Variants in DGKB observed in about 807,000 individuals in gnomAD.
The protein encoded by DGKB is diacylglycerol kinase beta.
In DGKB, 67 loss-of-function variants were observed where a neutral mutation model predicts 114.3. The observed-to-expected ratio is 0.59, with a 90% confidence interval of 0.48 to 0.72. The LOEUF (loss-of-function observed/expected upper bound fraction) is 0.72, where lower values mean the gene tolerates loss of function less well. Among genes scored for constraint, DGKB ranks in the 30% least tolerant of loss-of-function variants. DGKB has a pLI of 0.00. For missense variants in DGKB, 907 were observed against 975.2 expected (o/e 0.93, Z 0.93); for synonymous variants, 398 against 323.1 (o/e 1.23, Z -2.49).
rs150853045 is a variant in DGKB at position 14,745,715 on chromosome 7, A to T, written c.168+8213T>A. On this transcript the variant is annotated intron_variant, in intron 4 of 25. Coordinates refer to ENST00000402815, the MANE Select transcript of DGKB (RefSeq NM_001350709.2). ...GTGGTGGCCTGGTATTCAATTTGTG[A>T]GGTGAAAACCTGTGTGCAGGACCCC... 1.7e-3 allele frequency among the ~76,000 whole-genome samples: 265 copies of T among 152,250 alleles called. 1 individual carries two copies. Among genetic ancestry groups the T allele is most frequent in the African/African-American group, 6.3e-3 (263 of 41,544 alleles).
At chr7:14,689,996 T>C (rs533801733) in intron 9 of DGKB, among the ~76,000 whole-genome samples, 11 of 152,260 alleles carry the variant, frequency 7.2e-5, no homozygotes, top group African/African-American at 2.6e-4. Context: ...GAGACCAAAG[T>C]ATAAACCATC....
intron 20 of DGKB, among the ~76,000 whole-genome samples, chr7:14,505,804 C>T (rs939016694): frequency 2.0e-5 from 3 of 152,158 alleles, no homozygotes; most frequent in Admixed American, 6.5e-5. Flanking sequence ...TTACCATGTC[C>T]TCATGTGTAA....
At chr7:14,304,773 A>T (rs1444996242) in intron 23 of DGKB, among the ~76,000 whole-genome samples, 1 of 152,152 alleles carries the variant, frequency 6.6e-6, no homozygotes, top group Non-Finnish European at 1.5e-5. Context: ...TCAGTGAAGC[A>T]AAAATTTGTT....
chr7:14,498,200 T>A (rs544619540), intron 20 of DGKB, among the ~76,000 whole-genome samples: 1 of 151,838 alleles, frequency 6.6e-6, no homozygotes, highest in African/African-American at 2.4e-5. Flanking sequence ...TGAAGCAAAT[T>A]TGCCACCTTA....
chr7:14,546,107 A>G (rs1794242093), intron 20 of DGKB, among the ~76,000 whole-genome samples: 1 of 152,242 alleles, frequency 6.6e-6, no homozygotes, highest in South Asian at 2.1e-4. Flanking sequence ...TTTCAGTTAC[A>G]TTGCAAACAT....
At chr7:14,178,778 A>T (rs1223303300) in intron 23 of DGKB, among the ~76,000 whole-genome samples, 1 of 152,154 alleles carries the variant, frequency 6.6e-6, no homozygotes, top group Non-Finnish European at 1.5e-5. Flanking sequence ...TTGGTAGTAT[A>T]CTAGATAATT....
intron 1 of DGKB, among the ~76,000 whole-genome samples, chr7:14,947,814 A>G (rs1455698632): frequency 6.6e-6 from 1 of 151,748 alleles, no homozygotes; most frequent in Non-Finnish European, 1.5e-5. Flanking sequence ...ATTCCAACAT[A>G]TCCGTTATCA....
intron 23 of DGKB, among the ~76,000 whole-genome samples, chr7:14,310,301 C>A (rs973302622): frequency 6.6e-6 from 1 of 152,084 alleles, no homozygotes; most frequent in Non-Finnish European, 1.5e-5. Flanking sequence ...GATCACATTA[C>A]AGAACAGGGA....
rs58996974 is a variant in DGKB at position 14,531,971 on chromosome 7, CA to C, written c.1770+42240del. ...AGTGAGATAATTAGATACCAATATG[CA>C]AAAAAAAAATGAAGTTAGGCCTTCC... is the stretch of plus-strand genomic sequence containing the variant. On this transcript the variant is annotated intron_variant, in intron 20 of 25. Coordinates refer to ENST00000402815, the MANE Select transcript of DGKB (RefSeq NM_001350709.2). Among the ~76,000 whole-genome samples the C allele has an allele frequency of 7.1e-3, 1,020 of 144,570 alleles. 3 individuals are homozygous for C. Among genetic ancestry groups the C allele is most frequent in the African/African-American group, 0.019 (770 of 39,742 alleles). The allele number at this position is 144,570 out of a possible 152,430, so 94.8% of individuals were successfully genotyped here.
intron 23 of DGKB, among the ~76,000 whole-genome samples, chr7:14,247,396 T>C (rs1308517465): frequency 6.6e-6 from 1 of 152,136 alleles, no homozygotes; most frequent in Non-Finnish European, 1.5e-5. Flanking sequence ...TCATAGGCAG[T>C]TCTGTTTTTA....
intron 23 of DGKB, among the ~76,000 whole-genome samples, chr7:14,303,387 C>G (rs1803896865): frequency 6.6e-6 from 1 of 152,072 alleles, no homozygotes; most frequent in Non-Finnish European, 1.5e-5. Flanking sequence ...CCATATTCAC[C>G]TTTCCAGAGT....
chr7:14,495,597 TCTA>T (rs1366894672), intron 20 of DGKB, among the ~76,000 whole-genome samples: 2 of 151,840 alleles, frequency 1.3e-5, no homozygotes, highest in Non-Finnish European at 2.9e-5. Context: ...CTTCATTTAT[TCTA>T]CTATCTGGTA....
intron 15 of DGKB, among the ~76,000 whole-genome samples, chr7:14,615,522 A>G (rs1806351660): frequency 6.6e-6 from 1 of 151,912 alleles, no homozygotes. Context: ...GAATTTCAAA[A>G]TAAAATACAA....
At chr7:14,943,903 G>T (rs1325482457) in intron 1 of DGKB, among the ~76,000 whole-genome samples, 1 of 151,468 alleles carries the variant, frequency 6.6e-6, no homozygotes, top group Non-Finnish European at 1.5e-5. Context: ...TTCTTTTAAG[G>T]TTTCATCTGT....
intron 17 of DGKB, among the ~76,000 whole-genome samples, chr7:14,597,821 T>C (rs1283781335): frequency 6.6e-6 from 1 of 152,126 alleles, no homozygotes; most frequent in East Asian, 1.9e-4. Flanking sequence ...AACTGAATAA[T>C]TTACATGTGT....
At chr7:14,431,693 A>G (rs1335360864) in intron 21 of DGKB, among the ~76,000 whole-genome samples, 1 of 152,166 alleles carries the variant, frequency 6.6e-6, no homozygotes, top group Non-Finnish European at 1.5e-5. Context: ...TTTTCTGACA[A>G]TATTTTAACT....
chr7:14,906,233 A>G (rs922314583), upstream of DGKB, among the ~76,000 whole-genome samples: 2 of 151,946 alleles, frequency 1.3e-5, no homozygotes, highest in Admixed American at 1.3e-4. Context: ...AAACAAAAAC[A>G]AAAACAGATT....
At chr7:14,270,262 G>A (rs1444804084) in intron 23 of DGKB, among the ~76,000 whole-genome samples, 1 of 152,154 alleles carries the variant, frequency 6.6e-6, no homozygotes, top group Admixed American at 6.5e-5. Context: ...GTGCACATAT[G>A]CTGCGTTCTC....
At chr7:14,269,331 G>A (rs1797954921) in intron 23 of DGKB, 1 of 152,132 alleles carries the variant, frequency 6.6e-6, no homozygotes, top group Non-Finnish European at 1.5e-5. Context: ...TCCAGGAGAG[G>A]GAAATTAAGC....
Sources: gnomAD v4.1 joint callset for allele counts (sites outside exome capture counted in the v4.1 genomes callset) on GRCh38, gnomAD v4.1.1 for gene constraint, MANE v1.5 for transcripts, NCBI Gene and HGNC (gene_info 2026-07-23, HGNC 2026-07-21) for gene names.